Variants in DEPTOR observed in about 807,000 individuals in gnomAD.
DEPTOR encodes the protein DEP domain-containing mTOR-interacting protein.
A neutral mutation model predicts 41.6 loss-of-function variants in DEPTOR; 41 were observed. The observed-to-expected ratio is 0.98, with a 90% CI of 0.77 to 1.28. The LOEUF (loss-of-function observed/expected upper bound fraction) is 1.28, where lower values mean the gene tolerates loss of function less well. Ranked by LOEUF, DEPTOR falls within the 50% of genes most tolerant of loss-of-function variation. The probability of loss-of-function intolerance (pLI) is 0.00; values close to 1 mark genes in which losing one functional copy is unlikely to be tolerated. For synonymous variants in DEPTOR, 195 were observed against 192.3 expected (o/e 1.01, Z -0.12); for missense variants, 514 against 527.9 (o/e 0.97, Z 0.26).
At chr8:119,944,581 C>T (rs916333922) in intron 3 of DEPTOR, among the ~76,000 whole-genome samples, 3 of 151,566 alleles carry the variant, frequency 2.0e-5, no homozygotes, top group Non-Finnish European at 2.9e-5. Context: ...CTTTGGTATA[C>T]GTACATAGCA....
rs756634069 is a variant in DEPTOR, at chr8:119,965,339, G to A, written c.533G>A (p.Gly178Asp). Residue 178 changes from glycine (G) to aspartate (D), a missense_variant, in exon 4 of 9, where the codon GGT becomes GAT. Gly to Asp is a moderately conservative substitution (Grantham distance 94). Transcript: ENST00000286234. ...SEFLDWLVQE[G>D]EATTRKEAEQ... is the part of the protein sequence containing the mutation. ...TTCCTGGACTGGCTGGTTCAGGAAG[G>A]TGAGGCCACCACGAGGAAAGAGGCA... The A allele has an allele frequency of 1.9e-6, 3 of 1,614,012 alleles. No individual in the cohort carries two copies. In the African/African-American group the frequency reaches 4.0e-5, roughly 22 times the overall value.
intron 8 of DEPTOR, among the ~76,000 whole-genome samples, chr8:120,025,168 T>C (rs974460195): frequency 7.2e-5 from 11 of 152,210 alleles, no homozygotes; most frequent in African/African-American, 2.4e-4. Flanking sequence ...TTAAATGTAA[T>C]GTTTAATTAA....
intron 1 of DEPTOR, among the ~76,000 whole-genome samples, chr8:119,911,441 C>G (rs1827735636): frequency 6.6e-6 from 1 of 151,566 alleles, no homozygotes; most frequent in East Asian, 1.9e-4. Context: ...GCCTCAGCCT[C>G]CCAAGCAGCT....
intron 3 of DEPTOR, among the ~76,000 whole-genome samples, chr8:119,946,271 AT>A (rs1250124872): frequency 6.6e-6 from 1 of 152,152 alleles, no homozygotes; most frequent in African/African-American, 2.4e-5. Context: ...TCTGAATAAC[AT>A]TTTTAACTTT....
intron 8 of DEPTOR, among the ~76,000 whole-genome samples, chr8:120,043,953 A>G (rs1260425602): frequency 1.3e-5 from 2 of 151,890 alleles, no homozygotes; most frequent in African/African-American, 4.8e-5. Context: ...AGGAAGTTGC[A>G]GTGAGCCAAA....
At chr8:119,993,461 A>G (rs1195152811) in intron 4 of DEPTOR, among the ~76,000 whole-genome samples, 2 of 152,228 alleles carry the variant, frequency 1.3e-5, no homozygotes, top group African/African-American at 2.4e-5. Context: ...GAAATTATCA[A>G]TTGGATGAGT....
chr8:119,890,539 G>A (rs1473562926), intron 1 of DEPTOR, among the ~76,000 whole-genome samples: 1 of 152,112 alleles, frequency 6.6e-6, no homozygotes, highest in Non-Finnish European at 1.5e-5. Flanking sequence ...CTGACTTCAG[G>A]TGATCCACCC....
intron 1 of DEPTOR, among the ~76,000 whole-genome samples, chr8:119,904,965 C>CTTTTTTTTT (rs71304920): frequency 1.6e-4 from 14 of 85,974 alleles, no homozygotes; most frequent in East Asian, 5.2e-4. Context: ...CTAATTTTTG[C>CTTTTTTTTT]TTTTTTTTTT....
intron 3 of DEPTOR, among the ~76,000 whole-genome samples, chr8:119,938,464 C>T (rs532333944): frequency 4.6e-5 from 7 of 152,218 alleles, no homozygotes; most frequent in Admixed American, 2.6e-4. Context: ...AATTTTTCAC[C>T]TAGAAATACA....
rs190799565 is a variant in DEPTOR at position 120,029,868 on chromosome 8, T to A, written c.1102-19708T>A. 3.4e-3 allele frequency among the ~76,000 whole-genome samples: 510 copies of A among 152,100 alleles called. 1 individual carries two copies. The highest frequency in any genetic ancestry group is 0.011 in the African/African-American group (464 of 41,482). On this transcript the variant is annotated intron_variant, in intron 8 of 8. Transcript: ENST00000286234. ...GGCCTTACTCTTGGGATGGAGAGAGTGCAGAATGCCAGCTATCTGCATAAG... is the reference window on the plus strand; with the variant it reads ...GGCCTTACTCTTGGGATGGAGAGAGAGCAGAATGCCAGCTATCTGCATAAG...
At chr8:119,914,679 A>T (rs1827790291) in intron 1 of DEPTOR, among the ~76,000 whole-genome samples, 1 of 152,162 alleles carries the variant, frequency 6.6e-6, no homozygotes, top group African/African-American at 2.4e-5. Context: ...ACCTCAGGTG[A>T]TCCGCCTGCC....
chr8:120,013,160 GA>G (rs1210970977), intron 8 of DEPTOR, among the ~76,000 whole-genome samples: 126 of 113,472 alleles, frequency 1.1e-3, no homozygotes, highest in East Asian at 3.6e-3. Context: ...GTCTCAAAAA[GA>G]AAAAAAAAAA....
intron 8 of DEPTOR, among the ~76,000 whole-genome samples, chr8:120,010,298 T>G (rs1303567783): frequency 6.7e-6 from 1 of 149,160 alleles, no homozygotes; most frequent in Non-Finnish European, 1.5e-5. Context: ...AAATAACTGT[T>G]ACATATTTTT....
intron 4 of DEPTOR, among the ~76,000 whole-genome samples, chr8:119,986,606 A>G (rs916574745): frequency 6.6e-6 from 1 of 152,012 alleles, no homozygotes; most frequent in Non-Finnish European, 1.5e-5. Flanking sequence ...CTCCTGGATA[A>G]TATCCTGAAG....
Position 119,873,946 on chromosome 8 carries a change from T to C in DEPTOR, c.100T>C (p.Leu34=). The change falls in exon 1 of 9, where the codon TTG becomes CTG. Residue 34 remains leucine, a synonymous_variant. Coordinates refer to ENST00000286234, the MANE Select transcript of DEPTOR (RefSeq NM_022783.4). ...QRELERMAEV[L]VTGEQLRLRL... ...GGAGCTGGAGCGCATGGCTGAGGTC[T>C]TGGTCACCGGGGAACAGCTACGGTA... 3.1e-6 allele frequency: 5 copies of C among 1,613,552 alleles called. No homozygotes were observed. The highest frequency in any genetic ancestry group is 4.2e-6 in the Non-Finnish European group (5 of 1,179,770).
intron 1 of DEPTOR, among the ~76,000 whole-genome samples, chr8:119,904,965 C>CTTTTTTTTTTTT (rs71304920): frequency 2.3e-5 from 2 of 85,970 alleles, no homozygotes; most frequent in African/African-American, 4.3e-5. Context: ...CTAATTTTTG[C>CTTTTTTTTTTTT]TTTTTTTTTT....
At chr8:119,989,097 G>A (rs1828867281) in intron 4 of DEPTOR, among the ~76,000 whole-genome samples, 1 of 151,430 alleles carries the variant, frequency 6.6e-6, no homozygotes, top group Non-Finnish European at 1.5e-5. Flanking sequence ...CATCGTGCCT[G>A]GCTGCCACAT....
chr8:120,005,391 G>A (rs1006020305), intron 6 of DEPTOR, among the ~76,000 whole-genome samples: 1 of 152,224 alleles, frequency 6.6e-6, no homozygotes, highest in Non-Finnish European at 1.5e-5. Flanking sequence ...TCAACAAGAA[G>A]CACTGGATTG....
chr8:119,897,497 C>T (rs1013827616), intron 1 of DEPTOR, among the ~76,000 whole-genome samples: 8 of 152,142 alleles, frequency 5.3e-5, no homozygotes, highest in African/African-American at 1.9e-4. Context: ...TGCACCATTG[C>T]ACTCCAGCCT....
Sources: allele counts gnomAD v4.1 joint callset (sites outside exome capture counted in the v4.1 genomes callset), GRCh38; gene constraint gnomAD v4.1.1; transcripts MANE v1.5; gene names NCBI Gene and HGNC (gene_info 2026-07-23, HGNC 2026-07-21).